MKLN1: variants seen among roughly 807,000 people sequenced by gnomAD.
The protein encoded by MKLN1 is muskelin 1.
A neutral mutation model predicts 99.0 loss-of-function variants in MKLN1; 18 were observed. The ratio of observed to expected loss-of-function variants is 0.18; its 90% CI spans 0.13 to 0.27. The LOEUF is 0.27. Ranked by LOEUF, MKLN1 falls within the 10% of genes least tolerant of loss-of-function variation. The pLI, the probability that MKLN1 is intolerant of heterozygous loss-of-function variation, is 1.00. For missense variants in MKLN1, 621 were observed against 875.9 expected (o/e 0.71, Z 3.67); for synonymous variants, 288 against 293.2 (o/e 0.98, Z 0.18).
intron 1 of MKLN1, among the ~76,000 whole-genome samples, chr7:131,366,658 A>G (rs976494475): frequency 2.6e-5 from 4 of 152,136 alleles, no homozygotes; most frequent in African/African-American, 7.2e-5. Flanking sequence ...CTAAAAATAC[A>G]AAAACTAGCC....
chr7:131,376,655 A>G (rs973870279), intron 2 of MKLN1, among the ~76,000 whole-genome samples: 11 of 149,494 alleles, frequency 7.4e-5, no homozygotes, highest in African/African-American at 2.7e-4. Flanking sequence ...AAAAAAAAAA[A>G]GAATATATAT....
chr7:131,175,720 T>C (rs1796288706), intron 2 of MKLN1, among the ~76,000 whole-genome samples: 1 of 152,122 alleles, frequency 6.6e-6, no homozygotes, highest in African/African-American at 2.4e-5. Context: ...GCCAATATGG[T>C]GAAACCCCGT....
At chr7:131,479,283 C>T (rs1562886981) in intron 17 of MKLN1, among the ~76,000 whole-genome samples, 1 of 152,152 alleles carries the variant, frequency 6.6e-6, no homozygotes, top group Non-Finnish European at 1.5e-5. Flanking sequence ...CACCTATAAT[C>T]GTAGCACTTT....
chr7:131,153,024 T>G (rs1239443230), intron 2 of MKLN1, among the ~76,000 whole-genome samples: 1 of 142,418 alleles, frequency 7.0e-6, no homozygotes, highest in Non-Finnish European at 1.5e-5. Flanking sequence ...GATTCATATA[T>G]ATATATATAT....
At chr7:131,339,487 T>C (rs1443910394) in intron 1 of MKLN1, among the ~76,000 whole-genome samples, 10 of 152,070 alleles carry the variant, frequency 6.6e-5, no homozygotes. Flanking sequence ...GGTGGATCAC[T>C]TGAGGTCAGG....
intron 11 of MKLN1, 23 bp from the exon 12 acceptor site, chr7:131,445,751 T>C: frequency 1.0e-6 from 1 of 974,394 alleles, no homozygotes; most frequent in Non-Finnish European, 1.4e-6. Context: ...TACTCCTTTC[T>C]TTTTTTTTTT....
At chr7:131,191,118 A>G (rs564079090) in intron 2 of MKLN1, among the ~76,000 whole-genome samples, 2 of 152,270 alleles carry the variant, frequency 1.3e-5, no homozygotes, top group East Asian at 1.9e-4. Flanking sequence ...GTAGCAAAAC[A>G]CTGCCTAAGG....
intron 12 of MKLN1, among the ~76,000 whole-genome samples, chr7:131,462,471 A>G (rs1462316698): frequency 6.6e-6 from 1 of 152,228 alleles, no homozygotes; most frequent in African/African-American, 2.4e-5. Context: ...TTTAATCTCT[A>G]CTATCAAATT....
At chr7:131,260,964 CCTT>C (rs1797724262) in intron 3 of MKLN1, among the ~76,000 whole-genome samples, 1 of 152,164 alleles carries the variant, frequency 6.6e-6, no homozygotes, top group Non-Finnish European at 1.5e-5. Context: ...AAGCTGGACT[CCTT>C]CTTTATATTG....
intron 3 of MKLN1, among the ~76,000 whole-genome samples, chr7:131,300,360 A>G (rs998218815): frequency 4.0e-5 from 6 of 151,504 alleles, no homozygotes; most frequent in African/African-American, 1.2e-4. Flanking sequence ...GGAGGGTGGG[A>G]AAAAAAAGCA....
At chr7:131,298,103 C>T (rs978512823) in intron 3 of MKLN1, among the ~76,000 whole-genome samples, 1 of 150,896 alleles carries the variant, frequency 6.6e-6, no homozygotes, top group Admixed American at 6.6e-5. Context: ...AACCCCGTCT[C>T]TACTAAAAAT....
chr7:131,142,563 G>A (rs1417979359), intron 1 of MKLN1, among the ~76,000 whole-genome samples: 4 of 151,472 alleles, frequency 2.6e-5, no homozygotes, highest in South Asian at 2.1e-4. Context: ...GTGAAACCTC[G>A]TCTCTACTAA....
rs1797404224 is a variant in MKLN1 at position 131,490,775 on chromosome 7, A to G, written c.*3047A>G. ...CTGCATTCTTGGGCAAAATATTTAT[A>G]TTGTATATAAATGGTTGGCAGCTTA... On this transcript the variant is annotated 3_prime_UTR_variant, in exon 18 of 18. Coordinates refer to ENST00000352689, the MANE Select transcript of MKLN1 (RefSeq NM_013255.5). 6.6e-6 allele frequency: 1 copy of G among 152,616 alleles called. No homozygotes were observed. Among genetic ancestry groups the G allele is most frequent in the Admixed American group, 6.6e-5 (1 of 15,262 alleles). The allele number at this position is 152,616 out of a possible 1,614,324, so 9.5% of individuals were successfully genotyped here.
chr7:131,146,693 G>A, intron 2 of MKLN1, among the ~76,000 whole-genome samples: 1 of 152,152 alleles, frequency 6.6e-6, no homozygotes, highest in East Asian at 1.9e-4. Context: ...CTGAAGAAAA[G>A]CACATTTCTG....
At chr7:131,471,405 T>C (rs1462590929) in intron 16 of MKLN1, among the ~76,000 whole-genome samples, 1 of 152,238 alleles carries the variant, frequency 6.6e-6, no homozygotes, top group African/African-American at 2.4e-5. Flanking sequence ...TATTTAGTTA[T>C]GTGAATGTTG....
intron 1 of MKLN1, among the ~76,000 whole-genome samples, chr7:131,113,763 G>A (rs1176213173): frequency 1.3e-5 from 2 of 152,128 alleles, no homozygotes; most frequent in Non-Finnish European, 2.9e-5. Context: ...AGCGGAGGTT[G>A]CAATGAGCAG....
chr7:131,399,275 AACACTTC>A lies in MKLN1; in HGVS notation c.547_553del (p.His183AspfsTer25). On this transcript the variant is annotated frameshift_variant, in exon 6 of 18. Transcript: ENST00000352689. LOFTEE classifies it high-confidence loss of function. The stretch of plus-strand genomic sequence containing the variant: ...CAGGAAGCTATTCGCCTTTGCCTAA[AACACTTC>A]AGACAACACAACTATACAGAAGCTT... 1 of 1,614,000 alleles carries A rather than the reference AACACTTC, an allele frequency of 6.2e-7. No individual in the cohort carries two copies. Among genetic ancestry groups the A allele is most frequent in the Non-Finnish European group, 8.5e-7 (1 of 1,179,936 alleles).
intron 3 of MKLN1, among the ~76,000 whole-genome samples, chr7:131,230,323 T>C (rs1797222870): frequency 6.6e-6 from 1 of 152,154 alleles, no homozygotes; most frequent in Non-Finnish European, 1.5e-5. Flanking sequence ...TGGGATTTTC[T>C]GGGGCCCCCT....
intron 9 of MKLN1, among the ~76,000 whole-genome samples, chr7:131,433,468 T>A (rs1253045570): frequency 6.6e-6 from 1 of 151,966 alleles, no homozygotes; most frequent in Non-Finnish European, 1.5e-5. Context: ...ATTTCAAGAT[T>A]ATGAAAATAT....
Sources: allele counts gnomAD v4.1 joint callset (sites outside exome capture counted in the v4.1 genomes callset), GRCh38; gene constraint gnomAD v4.1.1; transcripts MANE v1.5; gene names NCBI Gene and HGNC (gene_info 2026-07-23, HGNC 2026-07-21).